Variants in ASPDH observed in about 807,000 individuals in gnomAD.
The protein encoded by ASPDH is aspartate dehydrogenase domain containing.
In ASPDH, 25 loss-of-function variants were observed where a neutral mutation model predicts 30.5. The ratio of observed to expected loss-of-function variants is 0.82; its 90% CI spans 0.60 to 1.14. ASPDH has a LOEUF of 1.14. Ranked by LOEUF, ASPDH falls within the 50% of genes most tolerant of loss-of-function variation. The probability of loss-of-function intolerance (pLI) is 0.00; values close to 1 mark genes in which losing one functional copy is unlikely to be tolerated. For missense variants in ASPDH, 401 were observed against 381.5 expected (o/e 1.05, Z -0.43); for synonymous variants, 168 against 156.3 (o/e 1.07, Z -0.56).
chr19:50,513,713 G>T lies in ASPDH; in HGVS notation c.52+59C>A. ...AAAAAGTGTTTGTGGAGGGCAGAGAGTCTTGGGAGCTTTAGGAAGGGGTTT... is the reference window on the plus strand; with the variant it reads ...AAAAAGTGTTTGTGGAGGGCAGAGATTCTTGGGAGCTTTAGGAAGGGGTTT... On this transcript the variant is annotated intron_variant, in intron 1 of 6. Coordinates refer to ENST00000389208, the MANE Select transcript of ASPDH (RefSeq NM_001114598.2). This position sits in a 1 kb window ranked among gnomAD's most constrained non-coding sequence, Gnocchi z 4.9. 7.7e-7 allele frequency: 1 copy of T among 1,300,956 alleles called. No homozygotes were observed. Among genetic ancestry groups the T allele is most frequent in the African/African-American group, 1.5e-5 (1 of 68,082 alleles). 80.6% of individuals were successfully genotyped at this position (1,300,956 alleles called of 1,614,324 possible). A position where few individuals can be genotyped will look rare whatever the true frequency, so the allele number is the denominator to read the frequency against.
Position 50,512,182 on chromosome 19 carries a change from C to T in ASPDH, c.762G>A (p.Ala254=), listed in dbSNP as rs1334335027. ...TRRENPAEPG[A]VTGSATVTAF... ...CCGTGACGGTGGCGGAGCCGGTGACCGCGCCTGGCTCGGCAGGGTTCTCTC... is the reference window on the plus strand; with the variant it reads ...CCGTGACGGTGGCGGAGCCGGTGACTGCGCCTGGCTCGGCAGGGTTCTCTC... Residue 254 remains alanine (A), a synonymous_variant, in exon 6 of 7, where the codon GCG becomes GCA. Coordinates refer to ENST00000389208, the MANE Select transcript of ASPDH (RefSeq NM_001114598.2). 5 of 1,600,448 alleles carry T rather than the reference C, an allele frequency of 3.1e-6. No individual in the cohort carries two copies. Among genetic ancestry groups the T allele is most frequent in the Admixed American group, 3.4e-5 (2 of 58,644 alleles).
intron 6 of ASPDH, 78 bp downstream of exon 6, chr19:50,512,058 G>C: frequency 8.0e-7 from 1 of 1,255,116 alleles, no homozygotes; most frequent in Non-Finnish European, 1.1e-6. Flanking sequence ...CAGAACTGCA[G>C]AACTAGTGAG....
chr19:50,513,033 G>A lies in ASPDH; in HGVS notation c.198-22C>T, dbSNP rs374479926. 25 of 1,583,944 alleles carry A rather than the reference G, an allele frequency of 1.6e-5. No individual in the cohort carries two copies. The highest frequency in any genetic ancestry group is 1.8e-5 in the Non-Finnish European group (21 of 1,157,720). Reference sequence around the variant, plus strand: ...GCGCCTGGGAGAGGGGAAAGAGGGCGGAGGGTCTTGGAGAGGTATTAGGCC... The same window carrying A: ...GCGCCTGGGAGAGGGGAAAGAGGGCAGAGGGTCTTGGAGAGGTATTAGGCC... On this transcript the variant is annotated intron_variant, in intron 2 of 6. Coordinates refer to ENST00000389208, the MANE Select transcript of ASPDH (RefSeq NM_001114598.2). This position sits in a 1 kb window ranked among gnomAD's most constrained non-coding sequence, Gnocchi z 4.9.
At position 50,512,543 on chromosome 19, in the gene ASPDH, A is replaced by G; in HGVS notation, c.470T>C (p.Phe157Ser). 2 of 1,536,958 alleles carry G rather than the reference A, an allele frequency of 1.3e-6. No individual in the cohort carries two copies. Among genetic ancestry groups the G allele is most frequent in the Non-Finnish European group, 1.7e-6 (2 of 1,145,220 alleles). ...RVTMATHPDG[F>S]RLEGPLAAAH... ...TGCAGCCAGGGGTCCCTCAAGCCGG[A>G]AGCCATCGGGGTGTGTGGCCATGGT... The change falls in exon 5 of 7, where the codon TTC becomes TCC. Residue 157 changes from phenylalanine (F) to serine (S), a missense_variant. Transcript: ENST00000389208.
chr19:50,513,603 G>C lies in ASPDH; in HGVS notation c.52+169C>G, dbSNP rs1291242591. ...GGTGGACAGAGGCCCAGAGAGAAGG[G>C]AGACAGAGACGGAGAGGACAGAGAC... On this transcript the variant is annotated intron_variant, in intron 1 of 6. Transcript: ENST00000389208. This position sits in a 1 kb window ranked among gnomAD's most constrained non-coding sequence, Gnocchi z 4.9. 1.3e-5 allele frequency among the ~76,000 whole-genome samples: 2 copies of C among 152,066 alleles called. No individual in the cohort carries two copies. The highest frequency in any genetic ancestry group is 4.8e-5 in the African/African-American group (2 of 41,398).
Position 50,513,360 on chromosome 19 carries a change from C to A in ASPDH, c.109G>T (p.Val37Phe), listed in dbSNP as rs1980080074. 1 of 1,542,454 alleles carries A rather than the reference C, an allele frequency of 6.5e-7. No individual in the cohort carries two copies. The highest frequency in any genetic ancestry group is 8.7e-7 in the Non-Finnish European group (1 of 1,142,892). ...CCTGGGTCACGATTCCAGACAAAAA[C>A]AAGTTCTAGGCCAAGTTCTGGTCCC... ...AQGPELGLEL[V>F]FVWNRDPGRM... Residue 37 changes from valine (V) to phenylalanine (F), a missense_variant, in exon 2 of 7, where the codon GTT (valine) becomes TTT (phenylalanine). Physicochemically the swap from Val to Phe is conservative, Grantham distance 50 (BLOSUM62 -1). Transcript: ENST00000389208. This position sits in a 1 kb window ranked among gnomAD's most constrained non-coding sequence, Gnocchi z 4.9.
At chr19:50,514,319 T>C (rs963584149), upstream of ASPDH, among the ~76,000 whole-genome samples, 11 of 152,066 alleles carry the variant, frequency 7.2e-5, no homozygotes, top group African/African-American at 2.7e-4. Flanking sequence ...GCCCTAGCCC[T>C]CCCAGAGGCA....
chr19:50,512,078 C>T (rs986496677), intron 6 of ASPDH, 58 bp downstream of exon 6: 42 of 1,324,200 alleles, frequency 3.2e-5, no homozygotes, highest in East Asian at 1.3e-4. Context: ...GAGCCCGGGA[C>T]CCCCAAGCTC....
rs1286109360 is a variant in ASPDH, at chr19:50,513,687, A to G, written c.52+85T>C. 2 of 1,094,742 alleles carry G rather than the reference A, an allele frequency of 1.8e-6. No individual in the cohort carries two copies. The highest frequency in any genetic ancestry group is 1.3e-6 in the Non-Finnish European group (1 of 742,286). 67.8% of individuals were successfully genotyped at this position (1,094,742 alleles called of 1,614,324 possible). A position where few individuals can be genotyped will look rare whatever the true frequency, so the allele number is the denominator to read the frequency against. Reference sequence around the variant, plus strand: ...CACAGCCAGGGGCAGATAGAGAGAGAAAAAAGTGTTTGTGGAGGGCAGAGA... The same window carrying G: ...CACAGCCAGGGGCAGATAGAGAGAGGAAAAAGTGTTTGTGGAGGGCAGAGA... On this transcript the variant is annotated intron_variant, in intron 1 of 6. Transcript: ENST00000389208. The surrounding 1 kb of genome is among the most constrained non-coding windows in gnomAD (Gnocchi z 4.9).
Position 50,512,699 on chromosome 19 carries a change from C to T in ASPDH, c.394G>A (p.Glu132Lys), listed in dbSNP as rs549881712. The change falls in exon 4 of 7, where the codon GAG (glutamate) becomes AAG (lysine). Residue 132 changes from glutamate (E) to lysine (K), a missense_variant. Physicochemically the swap from Glu to Lys is moderately conservative, Grantham distance 56. Coordinates refer to ENST00000389208, the MANE Select transcript of ASPDH (RefSeq NM_001114598.2). The part of the protein sequence containing the change: ...FVARGALWGA[E>K]DIRRLDAAGG... ...GCTGCATCCAATCTCCTGATGTCCT[C>T]AGCGCCCCACAGGGCCCCTCGGGCC... is the stretch of plus-strand genomic sequence containing the variant. 2.6e-6 allele frequency: 4 copies of T among 1,551,072 alleles called. No individual in the cohort carries two copies. In the South Asian group the frequency reaches 4.8e-5, roughly 18 times the overall value.
chr19:50,511,702 G>A lies in ASPDH; in HGVS notation c.*28C>T. 7.7e-7 allele frequency: 1 copy of A among 1,291,046 alleles called. No individual in the cohort carries two copies. The highest frequency in any genetic ancestry group is 9.9e-7 in the Non-Finnish European group (1 of 1,009,542). 80.0% of individuals were successfully genotyped at this position (1,291,046 alleles called of 1,614,324 possible). On this transcript the variant is annotated 3_prime_UTR_variant, in exon 7 of 7. Transcript: ENST00000389208. Reference sequence around the variant, plus strand: ...GGTGGTGGTGAGAGGCCAGGCAGATGATCTTGTCTCGGGAGGGAGGAGGCT... The same window carrying A: ...GGTGGTGGTGAGAGGCCAGGCAGATAATCTTGTCTCGGGAGGGAGGAGGCT...
chr19:50,512,014 G>T (rs544008178), intron 6 of ASPDH, 122 bp downstream of exon 6: 1 of 879,666 alleles, frequency 1.1e-6, no homozygotes, highest in Non-Finnish European at 1.6e-6. Flanking sequence ...GGAAATAAAG[G>T]TCAGAAAGAA....
Position 50,511,727 on chromosome 19 carries a change from T to C in ASPDH, c.*3A>G. 1 of 1,303,256 alleles carries C rather than the reference T, an allele frequency of 7.7e-7. No homozygotes were observed. The highest frequency in any genetic ancestry group is 9.8e-7 in the Non-Finnish European group (1 of 1,019,386). The allele number at this position is 1,303,256 out of a possible 1,614,324, so 80.7% of individuals were successfully genotyped here. A position where few individuals can be genotyped will look rare whatever the true frequency, so the allele number is the denominator to read the frequency against. ...GATCTTGTCTCGGGAGGGAGGAGGC[T>C]TCTCAGCAGAGATGGATCCCCGGCC... is the stretch of plus-strand genomic sequence containing the variant. On this transcript the variant is annotated 3_prime_UTR_variant, in exon 7 of 7. Coordinates refer to ENST00000389208, the MANE Select transcript of ASPDH (RefSeq NM_001114598.2).
Position 50,513,905 on chromosome 19 carries a change from TG to T in ASPDH, c.-83del. 1 of 1,486,766 alleles carries T rather than the reference TG, an allele frequency of 6.7e-7. No individual in the cohort carries two copies. The highest frequency in any genetic ancestry group is 9.0e-7 in the Non-Finnish European group (1 of 1,109,628). 92.1% of individuals were successfully genotyped at this position (1,486,766 alleles called of 1,614,324 possible). ...CAAGGCCTGGGCAGCCGCTGCTCTT[TG>T]GACATCTGACCCTTGAGCCTCTGGG... On this transcript the variant is annotated 5_prime_UTR_variant, in exon 1 of 7. Coordinates refer to ENST00000389208, the MANE Select transcript of ASPDH (RefSeq NM_001114598.2). This position sits in a 1 kb window ranked among gnomAD's most constrained non-coding sequence, Gnocchi z 4.9.
rs1410200989 is a variant in ASPDH at position 50,513,506 on chromosome 19, G to A, written c.53-90C>T. 3 of 1,337,748 alleles carry A rather than the reference G, an allele frequency of 2.2e-6. No homozygotes were observed. Among genetic ancestry groups the A allele is most frequent in the Non-Finnish European group, 3.0e-6 (3 of 1,000,492 alleles). 82.9% of individuals were successfully genotyped at this position (1,337,748 alleles called of 1,614,324 possible). A position where few individuals can be genotyped will look rare whatever the true frequency, so the allele number is the denominator to read the frequency against. On this transcript the variant is annotated intron_variant, in intron 1 of 6. Transcript: ENST00000389208. The surrounding 1 kb of genome is among the most constrained non-coding windows in gnomAD (Gnocchi z 4.9). Reference sequence around the variant, plus strand: ...GGAGGTGGGGACAGAGACCCAGAGAGAGAGGAGGTGGGGACAGACTCAGAT... The same window carrying A: ...GGAGGTGGGGACAGAGACCCAGAGAAAGAGGAGGTGGGGACAGACTCAGAT...
chr19:50,511,638 G>A lies in ASPDH; in HGVS notation c.*92C>T. On this transcript the variant is annotated 3_prime_UTR_variant, in exon 7 of 7. Transcript: ENST00000389208. ...AGCGGTGATCTTTACTGAGTCAGAA[G>A]GGAGACCCTGGGGAAGTGGGGCAGG... is the stretch of plus-strand genomic sequence containing the variant. 1.3e-6 allele frequency: 1 copy of A among 746,798 alleles called. No homozygotes were observed. The highest frequency in any genetic ancestry group is 3.4e-5 in the East Asian group (1 of 29,442). 46.3% of individuals were successfully genotyped at this position (746,798 alleles called of 1,614,324 possible).
rs1979892943 is a variant in ASPDH, at chr19:50,511,724, G to A, written c.*6C>T. On this transcript the variant is annotated 3_prime_UTR_variant, in exon 7 of 7. Coordinates refer to ENST00000389208, the MANE Select transcript of ASPDH (RefSeq NM_001114598.2). ...GATGATCTTGTCTCGGGAGGGAGGAGGCTTCTCAGCAGAGATGGATCCCCG... is the reference window on the plus strand; with the variant it reads ...GATGATCTTGTCTCGGGAGGGAGGAAGCTTCTCAGCAGAGATGGATCCCCG... 1 of 1,305,382 alleles carries A rather than the reference G, an allele frequency of 7.7e-7. No individual in the cohort carries two copies. The highest frequency in any genetic ancestry group is 3.1e-5 in the East Asian group (1 of 32,176). The allele number at this position is 1,305,382 out of a possible 1,614,324, so 80.9% of individuals were successfully genotyped here. A position where few individuals can be genotyped will look rare whatever the true frequency, so the allele number is the denominator to read the frequency against.
In ASPDH at chr19:50,513,896, G is replaced by T; in HGVS notation, c.-73C>A. The T allele has an allele frequency of 6.6e-7, 1 of 1,505,174 alleles. No individual in the cohort carries two copies. The highest frequency in any genetic ancestry group is 8.9e-7 in the Non-Finnish European group (1 of 1,122,612). 93.2% of individuals were successfully genotyped at this position (1,505,174 alleles called of 1,614,324 possible). On this transcript the variant is annotated 5_prime_UTR_variant, in exon 1 of 7. Coordinates refer to ENST00000389208, the MANE Select transcript of ASPDH (RefSeq NM_001114598.2). The surrounding 1 kb of genome is among the most constrained non-coding windows in gnomAD (Gnocchi z 4.9). ...CCCGCTGCACAAGGCCTGGGCAGCC[G>T]CTGCTCTTTGGACATCTGACCCTTG... is the stretch of plus-strand genomic sequence containing the variant.
chr19:50,514,195 G>T (rs1193271912), upstream of ASPDH, among the ~76,000 whole-genome samples: 2 of 152,166 alleles, frequency 1.3e-5, no homozygotes, highest in Non-Finnish European at 2.9e-5. Flanking sequence ...TCTTGCTTTG[G>T]GTTGGGAGAA....
Sources: allele counts gnomAD v4.1 joint callset (sites outside exome capture counted in the v4.1 genomes callset), GRCh38; gene constraint gnomAD v4.1.1; non-coding constraint Gnocchi (gnomAD v3.1); transcripts MANE v1.5; gene names NCBI Gene and HGNC (gene_info 2026-07-23, HGNC 2026-07-21).